ATP1A3: variants seen among roughly 807,000 people sequenced by gnomAD.
ATP1A3 encodes ATPase Na+/K+ transporting subunit alpha 3.
ATP1A3 carries 12 observed loss-of-function variants against 108.8 expected under a neutral mutation model. That is an observed-to-expected ratio of 0.11 (90% CI 0.07 to 0.18). The LOEUF (loss-of-function observed/expected upper bound fraction) is 0.18. Ranked by LOEUF, ATP1A3 falls within the 10% of genes least tolerant of loss-of-function variation. ATP1A3 has a pLI of 1.00. For missense variants in ATP1A3, 498 were observed against 1,387.7 expected, an observed-to-expected ratio of 0.36 and a Z score of 10.19; for synonymous variants, 539 against 564.5, an observed-to-expected ratio of 0.95 and a Z score of 0.64.
Position 41,988,751 on chromosome 19 carries a change from C to T in ATP1A3, c.7-189G>A. 8.2e-7 allele frequency: 1 copy of T among 1,212,472 alleles called. No individual in the cohort carries two copies. The highest frequency in any genetic ancestry group is 1.1e-6 in the Non-Finnish European group (1 of 887,284). The allele number at this position is 1,212,472 out of a possible 1,614,324, so 75.1% of individuals were successfully genotyped here. ...CCGGAGCCTCTGGGTGACTTCACCT[C>T]CCTTCTGCCTCTGGTGACTCTCAGG... is the stretch of plus-strand genomic sequence containing the variant. On this transcript the variant is annotated intron_variant, in intron 1 of 22. Coordinates refer to ENST00000648268, the MANE Select transcript of ATP1A3 (RefSeq NM_152296.5). The surrounding 1 kb of genome is among the most constrained non-coding windows in gnomAD (Gnocchi z 5.3).
At position 41,981,107 on chromosome 19, in the gene ATP1A3, C is replaced by T. The variant is rs12979440; in HGVS notation, c.1437+395G>A. ...AACCTCCCCGGCTCAGGCAATCCTCCTGCCTCAGACTCCCAAATCGCTGAG... is the reference window on the plus strand; with the variant it reads ...AACCTCCCCGGCTCAGGCAATCCTCTTGCCTCAGACTCCCAAATCGCTGAG... On this transcript the variant is annotated intron_variant, in intron 11 of 22. Coordinates refer to ENST00000648268, the MANE Select transcript of ATP1A3 (RefSeq NM_152296.5). The surrounding 1 kb of genome is among the most constrained non-coding windows in gnomAD (Gnocchi z 5.0). 1.3e-5 allele frequency among the ~76,000 whole-genome samples: 2 copies of T among 151,376 alleles called. No homozygotes were observed. Among genetic ancestry groups the T allele is most frequent in the South Asian group, 4.2e-4 (2 of 4,762 alleles).
chr19:41,993,354 G>C, intron 1 of ATP1A3: 1 of 1,527,542 alleles, frequency 6.5e-7, no homozygotes. Flanking sequence ...CTACACAGTT[G>C]CACACGCACA....
chr19:41,987,858 G>A (rs1346826711), intron 4 of ATP1A3, 78 bp downstream of exon 4: 8 of 1,539,176 alleles, frequency 5.2e-6, no homozygotes, highest in Non-Finnish European at 7.1e-6. Flanking sequence ...AAAGCTTAGA[G>A]GGATGGGAAG....
rs1201781332 is a variant in ATP1A3, at chr19:41,972,808, A to AGGAC, written c.2264-2267_2264-2266insGTCC. On this transcript the variant is annotated intron_variant, in intron 16 of 22. Transcript: ENST00000648268. ...AGGGGGAAGGAAGGAAGGAAGGGGAAGGAAGGAAGGAAGGAAGGAAGGAAG... is the reference window on the plus strand; with the variant it reads ...AGGGGGAAGGAAGGAAGGAAGGGGAAGGACGGAAGGAAGGAAGGAAGGAAGGAAG... 7.0e-4 allele frequency among the ~76,000 whole-genome samples: 44 copies of AGGAC among 62,856 alleles called. 1 individual carries two copies. In the East Asian group the frequency reaches 0.02, roughly 29 times the overall value. The allele number at this position is 62,856 out of a possible 152,430, so 41.2% of individuals were successfully genotyped here.
chr19:41,970,921 C>G (rs556901241), intron 16 of ATP1A3, among the ~76,000 whole-genome samples: 2 of 151,788 alleles, frequency 1.3e-5, no homozygotes, highest in Admixed American at 1.3e-4. Context: ...CGTGAGCCAC[C>G]GCGCCCGGCC....
At position 41,974,503 on chromosome 19, in the gene ATP1A3, C is replaced by T. The variant is rs561408962; in HGVS notation, c.2263+1126G>A. Among the ~76,000 whole-genome samples, 18 of 152,260 alleles carry T rather than the reference C, an allele frequency of 1.2e-4. No individual in the cohort carries two copies. The South Asian group carries it at 1.9e-3, about 16-fold the overall frequency. ...GATAAGAAGGTGTTAACCATGGTTT[C>T]CTCTGGGATATAGGAGACAAGGGCT... is the stretch of plus-strand genomic sequence containing the variant. On this transcript the variant is annotated intron_variant, in intron 16 of 22. Transcript: ENST00000648268.
At chr19:41,979,852 T>G (rs553380555) in intron 11 of ATP1A3, among the ~76,000 whole-genome samples, 1 of 152,258 alleles carries the variant, frequency 6.6e-6, no homozygotes, top group Non-Finnish European at 1.5e-5. Flanking sequence ...GGTATGTTAA[T>G]TATATCTTAA....
chr19:41,977,515 C>T (rs1296410017), intron 14 of ATP1A3, among the ~76,000 whole-genome samples: 4 of 128,020 alleles, frequency 3.1e-5, no homozygotes, highest in African/African-American at 9.0e-5. Flanking sequence ...GTGAAACCCC[C>T]GTCTCTACTA....
chr19:41,969,792 G>A (rs1467182988), intron 18 of ATP1A3, among the ~76,000 whole-genome samples: 1 of 152,214 alleles, frequency 6.6e-6, no homozygotes, highest in Non-Finnish European at 1.5e-5. Flanking sequence ...GGGCTTTGGA[G>A]AGAGGGCTCT....
intron 14 of ATP1A3, 112 bp downstream of exon 14, chr19:41,977,824 A>G (rs562516849): frequency 4.1e-6 from 6 of 1,474,298 alleles, no homozygotes; most frequent in Admixed American, 3.9e-5. Flanking sequence ...TCCATGGAGG[A>G]GTCCCAGAAA....
At position 41,978,831 on chromosome 19, in the gene ATP1A3, C is replaced by A; in HGVS notation, c.1438-33G>T. ...CCGATCAGAGGGTGGCGTGCCTGAG[C>A]CACGCAGACACCAGGAAGCTCCCTG... On this transcript the variant is annotated intron_variant, in intron 11 of 22. Transcript: ENST00000648268. The surrounding 1 kb of genome is among the most constrained non-coding windows in gnomAD (Gnocchi z 8.3). 1 of 1,610,552 alleles carries A rather than the reference C, an allele frequency of 6.2e-7. No homozygotes were observed.
chr19:41,978,949 C>A lies in ATP1A3; in HGVS notation c.1438-151G>T. 1.5e-6 allele frequency: 1 copy of A among 654,456 alleles called. No individual in the cohort carries two copies. The allele number at this position is 654,456 out of a possible 1,614,324, so 40.5% of individuals were successfully genotyped here. Reference sequence around the variant, plus strand: ...CTCTCACAGAGACCTCTGCTCATTCCTGTCCGCTCTGTCTATGTCATGGAT... The same window carrying A: ...CTCTCACAGAGACCTCTGCTCATTCATGTCCGCTCTGTCTATGTCATGGAT... On this transcript the variant is annotated intron_variant, in intron 11 of 22. Coordinates refer to ENST00000648268, the MANE Select transcript of ATP1A3 (RefSeq NM_152296.5). This position sits in a 1 kb window ranked among gnomAD's most constrained non-coding sequence, Gnocchi z 8.3.
intron 18 of ATP1A3, 77 bp from the exon 19 acceptor site, chr19:41,969,657 C>G: frequency 6.3e-7 from 1 of 1,579,052 alleles, no homozygotes; most frequent in Non-Finnish European, 8.7e-7. Flanking sequence ...TCAGAGGGCC[C>G]GGAGGCCTCC....
Position 41,968,976 on chromosome 19 carries a change from A to C in ATP1A3, c.2689-61T>G, listed in dbSNP as rs1599704658. On this transcript the variant is annotated intron_variant, in intron 19 of 22. Transcript: ENST00000648268. The surrounding 1 kb of genome is among the most constrained non-coding windows in gnomAD (Gnocchi z 5.0). The stretch of plus-strand genomic sequence containing the variant: ...TAGTGGCACTGCAGCCCTAGCCGCC[A>C]CCCCGACGTTCCGGTGCTCTTTGCC... The C allele has an allele frequency of 6.2e-7, 1 of 1,609,660 alleles. No individual in the cohort carries two copies.
chr19:41,985,291 C>T lies in ATP1A3; in HGVS notation c.724+15G>A, dbSNP rs782738580. 6.2e-7 allele frequency: 1 copy of T among 1,614,054 alleles called. No homozygotes were observed. Among genetic ancestry groups the T allele is most frequent in the Non-Finnish European group, 8.5e-7 (1 of 1,179,884 alleles). On this transcript the variant is annotated intron_variant, in intron 7 of 22. Coordinates refer to ENST00000648268, the MANE Select transcript of ATP1A3 (RefSeq NM_152296.5). This position sits in a 1 kb window ranked among gnomAD's most constrained non-coding sequence, Gnocchi z 8.2. ...TGTCTGCCCCAGCTGTGTGTCTTCTCTGCACCCGCCTCACCTTCCACACAG... is the reference window on the plus strand; with the variant it reads ...TGTCTGCCCCAGCTGTGTGTCTTCTTTGCACCCGCCTCACCTTCCACACAG...
chr19:41,993,630 C>G (rs1163582773), intron 1 of ATP1A3: 1 of 741,086 alleles, frequency 1.3e-6, no homozygotes, highest in Non-Finnish European at 2.1e-6. Context: ...CCTATCCGCA[C>G]CCTGCCAGGG....
Position 41,985,727 on chromosome 19 carries a change from GCCT to G in ATP1A3, c.606+134_606+136del. On this transcript the variant is annotated intron_variant, in intron 6 of 22. Coordinates refer to ENST00000648268, the MANE Select transcript of ATP1A3 (RefSeq NM_152296.5). The surrounding 1 kb of genome is among the most constrained non-coding windows in gnomAD (Gnocchi z 8.2). Reference sequence around the variant, plus strand: ...AAACTCCTGGGTCTGAGGGAGGAGGGCCTGGGGGCCTGGACTCCTGGGTCTGAG... The same window carrying G: ...AAACTCCTGGGTCTGAGGGAGGAGGGGGGGGCCTGGACTCCTGGGTCTGAG... 1 of 1,332,428 alleles carries G rather than the reference GCCT, an allele frequency of 7.5e-7. No homozygotes were observed. Among genetic ancestry groups the G allele is most frequent in the Non-Finnish European group, 1.0e-6 (1 of 982,200 alleles). 82.5% of individuals were successfully genotyped at this position (1,332,428 alleles called of 1,614,324 possible).
At chr19:41,989,980 T>A (rs1447879302) in intron 1 of ATP1A3, among the ~76,000 whole-genome samples, 2 of 152,208 alleles carry the variant, frequency 1.3e-5, no homozygotes, top group African/African-American at 4.8e-5. Flanking sequence ...CTCCATCTCT[T>A]GGCTGTGTCT....
At chr19:41,980,134 C>T (rs562929608) in intron 11 of ATP1A3, among the ~76,000 whole-genome samples, 1 of 152,378 alleles carries the variant, frequency 6.6e-6, no homozygotes, top group African/African-American at 2.4e-5. Flanking sequence ...TTCCCCCAGA[C>T]ACCTGCAGGG....
Sources: allele counts gnomAD v4.1 joint callset (sites outside exome capture counted in the v4.1 genomes callset), GRCh38; gene constraint gnomAD v4.1.1; non-coding constraint Gnocchi (gnomAD v3.1); transcripts MANE v1.5; gene names NCBI Gene and HGNC (gene_info 2026-07-23, HGNC 2026-07-21).